Variants in SDHAF2 observed in about 807,000 individuals in gnomAD.
The protein encoded by SDHAF2 is succinate dehydrogenase complex assembly factor 2.
A neutral mutation model predicts 18.5 loss-of-function variants in SDHAF2; 21 were observed. That is an observed-to-expected ratio of 1.13 (90% confidence interval 0.80 to 1.63). The LOEUF (loss-of-function observed/expected upper bound fraction) is 1.63. SDHAF2 is among the 40% of genes most tolerant of loss of function. SDHAF2 has a pLI of 0.00. For missense variants in SDHAF2, 195 were observed against 200.3 expected, an observed-to-expected ratio of 0.97 and a Z score of 0.16; for synonymous variants, 84 against 70.7, an observed-to-expected ratio of 1.19 and a Z score of -0.94.
At chr11:61,437,250 C>T (rs565496310) in intron 1 of SDHAF2, among the ~76,000 whole-genome samples, 31 of 152,042 alleles carry the variant, frequency 2.0e-4, no homozygotes, top group Admixed American at 5.9e-4. Flanking sequence ...TGCAGTGGTA[C>T]GATCACAGCT....
intron 1 of SDHAF2, chr11:61,435,389 T>G (rs907592221): frequency 3.3e-5 from 5 of 152,200 alleles, no homozygotes; most frequent in Non-Finnish European, 7.3e-5. Context: ...TTCTGTTTCT[T>G]TAAGGTTAGT....
intron 1 of SDHAF2, chr11:61,431,756 G>C (rs1222929992): frequency 1.3e-5 from 2 of 152,148 alleles, no homozygotes; most frequent in Non-Finnish European, 2.9e-5. Flanking sequence ...GAGTGCAGTG[G>C]CATGATCTCG....
chr11:61,438,808 G>A (rs1451105387), intron 3 of SDHAF2, among the ~76,000 whole-genome samples: 1 of 152,164 alleles, frequency 6.6e-6, no homozygotes, highest in Non-Finnish European at 1.5e-5. Context: ...ACTTTGGGAG[G>A]CTGAGGCGGA....
chr11:61,446,029 GCGTGCCC>G lies in SDHAF2; in HGVS notation c.461_467del (p.Arg154GlnfsTer27). On this transcript the variant is annotated frameshift_variant, in exon 4 of 4. Transcript: ENST00000301761. LOFTEE classifies it high-confidence loss of function. Reference sequence around the variant, plus strand: ...AAAACAAAAACAAAGAGCAGAGACTGCGTGCCCCAGATCTTGAGTACCTCTTTGAAAA... The same window carrying G: ...AAAACAAAAACAAAGAGCAGAGACTGCAGATCTTGAGTACCTCTTTGAAAA... The G allele has an allele frequency of 6.2e-7, 1 of 1,614,210 alleles. No individual in the cohort carries two copies. The highest frequency in any genetic ancestry group is 1.3e-5 in the African/African-American group (1 of 75,048).
At position 61,446,207 on chromosome 11, in the gene SDHAF2, C is replaced by T. The variant is rs1862136282; in HGVS notation, c.*136C>T. ...CACTGGTCCTGCCTCAAGTGATGGA[C>T]ATAACCCTCTCCTAGGACATACATG... is the stretch of plus-strand genomic sequence containing the variant. On this transcript the variant is annotated 3_prime_UTR_variant, in exon 4 of 4. Transcript: ENST00000301761. The T allele has an allele frequency of 2.2e-6, 2 of 920,046 alleles. No individual in the cohort carries two copies. The highest frequency in any genetic ancestry group is 3.6e-6 in the Non-Finnish European group (2 of 562,020). The allele number at this position is 920,046 out of a possible 1,614,324, so 57.0% of individuals were successfully genotyped here. A position where few individuals can be genotyped will look rare whatever the true frequency, so the allele number is the denominator to read the frequency against.
At chr11:61,436,866 ACAT>A in intron 1 of SDHAF2, 2 of 1,288,466 alleles carry the variant, frequency 1.6e-6, no homozygotes, top group Non-Finnish European at 2.0e-6. Flanking sequence ...CACCACCTTG[ACAT>A]CATATCTTGA....
intron 1 of SDHAF2, chr11:61,434,591 C>CTTTTTTTTTTTT (rs549764688): frequency 2.5e-5 from 3 of 118,956 alleles, no homozygotes; most frequent in African/African-American, 1.1e-4. Flanking sequence ...CTTCTCATTC[C>CTTTTTTTTTTTT]TTTTTTTTTT....
intron 1 of SDHAF2, chr11:61,432,579 C>G (rs1242103040): frequency 1.3e-5 from 2 of 152,122 alleles, no homozygotes; most frequent in East Asian, 3.9e-4. Flanking sequence ...AGGTGTGGAA[C>G]CCACAGATAC....
chr11:61,435,120 G>A (rs991144442), intron 1 of SDHAF2: 63 of 152,146 alleles, frequency 4.1e-4, no homozygotes, highest in Middle Eastern at 3.2e-3. Context: ...GAGCTCAAGC[G>A]ATCCTCCAGC....
intron 3 of SDHAF2, among the ~76,000 whole-genome samples, chr11:61,441,520 C>CAA (rs1168050919): frequency 2.4e-5 from 2 of 83,900 alleles, no homozygotes; most frequent in Admixed American, 1.4e-4. Context: ...GGCTCCATCT[C>CAA]AAAAAAAAAA....
At position 61,446,330 on chromosome 11, in the gene SDHAF2, G is replaced by C; in HGVS notation, c.*259G>C. 1 of 606,234 alleles carries C rather than the reference G, an allele frequency of 1.6e-6. No homozygotes were observed. Among genetic ancestry groups the C allele is most frequent in the Non-Finnish European group, 2.9e-6 (1 of 340,484 alleles). The allele number at this position is 606,234 out of a possible 1,614,324, so 37.6% of individuals were successfully genotyped here. A position where few individuals can be genotyped will look rare whatever the true frequency, so the allele number is the denominator to read the frequency against. On this transcript the variant is annotated 3_prime_UTR_variant, in exon 4 of 4. Transcript: ENST00000301761. Reference sequence around the variant, plus strand: ...GCTGGCATGCAGGCTTTGCCTGGCTGCTATCTCTAGAGGCAAGTCTGCCAC... The same window carrying C: ...GCTGGCATGCAGGCTTTGCCTGGCTCCTATCTCTAGAGGCAAGTCTGCCAC...
At chr11:61,441,517 T>C (rs1327517845) in intron 3 of SDHAF2, among the ~76,000 whole-genome samples, 2 of 137,416 alleles carry the variant, frequency 1.5e-5, no homozygotes, top group African/African-American at 5.5e-5. Context: ...CGAGGCTCCA[T>C]CTCAAAAAAA....
rs996216628 is a variant in SDHAF2, at chr11:61,438,328, T to C, written c.370+215T>C. ...GATTCTCCAGCCTCAGCCTCCTGAGTACCTGGGATTACAGGCATGTGTCAC... is the reference window on the plus strand; with the variant it reads ...GATTCTCCAGCCTCAGCCTCCTGAGCACCTGGGATTACAGGCATGTGTCAC... On this transcript the variant is annotated intron_variant, in intron 3 of 3. Coordinates refer to ENST00000301761, the MANE Select transcript of SDHAF2 (RefSeq NM_017841.4). The C allele has an allele frequency of 5.5e-5, 34 of 613,690 alleles. No homozygotes were observed. The African/African-American group carries it at 5.8e-4, about 10-fold the overall frequency. 38.0% of individuals were successfully genotyped at this position (613,690 alleles called of 1,614,324 possible). A position where few individuals can be genotyped will look rare whatever the true frequency, so the allele number is the denominator to read the frequency against.
chr11:61,445,920 C>G (rs370528677), intron 3 of SDHAF2, 21 bp from the exon 4 acceptor site: 154 of 1,613,844 alleles, frequency 9.5e-5, no homozygotes, highest in Middle Eastern at 3.3e-4. Context: ...ATAATTTTTT[C>G]TGCCCACTCT....
chr11:61,441,388 G>A (rs1170405405), intron 3 of SDHAF2, among the ~76,000 whole-genome samples: 3 of 151,920 alleles, frequency 2.0e-5, no homozygotes, highest in African/African-American at 7.3e-5. Context: ...GGGCGTGGTG[G>A]TGGGCGCCTG....
At chr11:61,445,894 A>G (rs772484776) in intron 3 of SDHAF2, 47 bp from the exon 4 acceptor site, 12 of 1,611,882 alleles carry the variant, frequency 7.4e-6, no homozygotes, top group Non-Finnish European at 1.0e-5. Flanking sequence ...ATACCTGAGC[A>G]TTGACTGACT....
intron 1 of SDHAF2, chr11:61,432,753 TA>T (rs1861948135): frequency 6.6e-6 from 1 of 152,218 alleles, no homozygotes; most frequent in Non-Finnish European, 1.5e-5. Context: ...TTGTGTGTCT[TA>T]CACAGGTATT....
chr11:61,443,737 G>A (rs1315956742), intron 3 of SDHAF2, among the ~76,000 whole-genome samples: 2 of 152,058 alleles, frequency 1.3e-5, no homozygotes, highest in Non-Finnish European at 2.9e-5. Context: ...TCAGCCTCCT[G>A]AGTAGCTGAG....
At position 61,437,654 on chromosome 11, in the gene SDHAF2, G is replaced by T. The variant is rs766468929; in HGVS notation, c.66G>T (p.Leu22Phe). Residue 22 changes from leucine to phenylalanine, a missense_variant, in exon 2 of 4, where the codon TTG becomes TTT. Transcript: ENST00000301761. ...TTGCTCTGTCAAGGCACAGCCTATT[G>T]TCTCCTTTGCTCAGTGTGACATCAT... ...LMLALSRHSL[L>F]SPLLSVTSFR... The T allele has an allele frequency of 2.5e-6, 4 of 1,614,170 alleles. No individual in the cohort carries two copies. The highest frequency in any genetic ancestry group is 1.3e-5 in the African/African-American group (1 of 75,054).
Sources: gnomAD v4.1 joint callset for allele counts (sites outside exome capture counted in the v4.1 genomes callset) on GRCh38, gnomAD v4.1.1 for gene constraint, MANE v1.5 for transcripts, NCBI Gene and HGNC (gene_info 2026-07-23, HGNC 2026-07-21) for gene names.